MAGI1: variants seen among roughly 807,000 people sequenced by gnomAD.
The protein encoded by MAGI1 is membrane-associated guanylate kinase, WW and PDZ domain-containing protein 1.
Under a neutral mutation model 139.9 loss-of-function variants are expected in MAGI1, and 58 were observed. That is an observed-to-expected ratio of 0.41 (90% confidence interval 0.34 to 0.52). The LOEUF is 0.52. Ranked by LOEUF, MAGI1 falls within the 20% of genes least tolerant of loss-of-function variation. MAGI1 has a pLI of 0.12. For missense variants in MAGI1, 1,874 were observed against 1,901.6 expected, an observed-to-expected ratio of 0.99 and a Z score of 0.27; for synonymous variants, 812 against 737.9, an observed-to-expected ratio of 1.10 and a Z score of -1.63.
Position 65,453,267 on chromosome 3 carries a change from C to G in MAGI1, c.1033G>C (p.Glu345Gln), listed in dbSNP as rs1358484495. The change falls in exon 6 of 23, where the codon GAA becomes CAA. Residue 345 changes from glutamate to glutamine, a missense_variant. Around this residue, in one of 5 missense-constraint regions of MAGI1, gnomAD observed 648 missense variants for 598.1 expected, o/e 1.08. Transcript: ENST00000402939. ...NKQQKPLEEC[E>Q]DDEGVHTEEL... ...CTGCCTGGCCCCTTACCATCATCTT[C>G]ACACTCTTCCAGTGGCTTCTGCTGC... 2.5e-6 allele frequency: 4 copies of G among 1,613,580 alleles called. No homozygotes were observed. The African/African-American group carries it at 5.3e-5, about 22-fold the overall frequency.
At chr3:66,021,487 G>C (rs1378334840) in intron 1 of MAGI1, among the ~76,000 whole-genome samples, 1 of 152,176 alleles carries the variant, frequency 6.6e-6, no homozygotes. Context: ...TTCTATTCTT[G>C]ACTGCCTCCC....
chr3:65,439,780 C>T, intron 9 of MAGI1, 99 bp downstream of exon 9: 2 of 1,579,848 alleles, frequency 1.3e-6, no homozygotes, highest in Admixed American at 1.7e-5. Flanking sequence ...AGAGAGGACT[C>T]AATCATCGAG....
intron 1 of MAGI1, among the ~76,000 whole-genome samples, chr3:65,795,819 G>A (rs1323198770): frequency 6.6e-6 from 1 of 151,802 alleles, no homozygotes; most frequent in Non-Finnish European, 1.5e-5. Context: ...GGGAAGCCTA[G>A]GCAGGTGGAT....
intron 1 of MAGI1, among the ~76,000 whole-genome samples, chr3:65,903,873 T>C (rs1471607460): frequency 6.6e-6 from 1 of 151,914 alleles, no homozygotes; most frequent in African/African-American, 2.4e-5. Context: ...CCAGGTGTGG[T>C]GGTGCACACC....
At chr3:65,918,529 C>A (rs1453975071) in intron 1 of MAGI1, among the ~76,000 whole-genome samples, 1 of 151,882 alleles carries the variant, frequency 6.6e-6, no homozygotes, top group African/African-American at 2.4e-5. Flanking sequence ...TACAGGTGTG[C>A]ACCACCACGC....
chr3:65,850,387 T>C (rs1419578303), intron 1 of MAGI1, among the ~76,000 whole-genome samples: 1 of 152,132 alleles, frequency 6.6e-6, no homozygotes, highest in African/African-American at 2.4e-5. Context: ...AAACTGAAAG[T>C]CTTGCATCCC....
intron 1 of MAGI1, among the ~76,000 whole-genome samples, chr3:65,884,375 C>T (rs1248815678): frequency 6.6e-6 from 1 of 152,046 alleles, no homozygotes; most frequent in Non-Finnish European, 1.5e-5. Context: ...GGTGGAAGAA[C>T]GAAGGGAGAA....
At chr3:65,963,294 A>G (rs13319733) in intron 1 of MAGI1, among the ~76,000 whole-genome samples, 74,146 of 139,850 alleles carry the variant, frequency 0.53, 20,757 homozygotes, top group African/African-American at 0.69. Flanking sequence ...CCTGGTCAAC[A>G]GAGCGAGACT....
At chr3:65,964,876 T>C (rs2064659143) in intron 1 of MAGI1, among the ~76,000 whole-genome samples, 1 of 152,212 alleles carries the variant, frequency 6.6e-6, no homozygotes. Flanking sequence ...AGTCCCCTTT[T>C]TGTGGATGTC....
chr3:65,875,282 A>G (rs1047573350), intron 1 of MAGI1, among the ~76,000 whole-genome samples: 1 of 152,150 alleles, frequency 6.6e-6, no homozygotes, highest in African/African-American at 2.4e-5. Flanking sequence ...TGTTGTTGAG[A>G]TGATGAAAAT....
chr3:65,499,661 C>G (rs549592186), intron 2 of MAGI1, among the ~76,000 whole-genome samples: 2 of 152,212 alleles, frequency 1.3e-5, no homozygotes, highest in South Asian at 4.1e-4. Context: ...ATGCAGTTAC[C>G]TGAAGGAATG....
intron 1 of MAGI1, among the ~76,000 whole-genome samples, chr3:65,782,237 G>A (rs917832401): frequency 6.6e-6 from 1 of 152,116 alleles, no homozygotes; most frequent in Non-Finnish European, 1.5e-5. Flanking sequence ...GATTATCTGG[G>A]TGGGCCCAAT....
rs775925540 is a variant in MAGI1 at position 65,375,748 on chromosome 3, C to A, written c.3193G>T (p.Asp1065Tyr). ...NTVTLRIIPG[D>Y]ESSNATLLTN... ...AGAGATAATAGGTATACTTTACCAT[C>A]CCCAGGAATGATGCGGAGGGTAACT... The change falls in exon 18 of 23, where the codon GAT becomes TAT. Residue 1065 changes from aspartate (D) to tyrosine (Y), a missense_variant. Physicochemically the swap from Asp to Tyr is radical, Grantham distance 160. Transcript: ENST00000402939. 1 of 1,609,610 alleles carries A rather than the reference C, an allele frequency of 6.2e-7. No individual in the cohort carries two copies. The highest frequency in any genetic ancestry group is 1.1e-5 in the South Asian group (1 of 90,956).
At chr3:65,988,764 A>AT (rs1319577147) in intron 1 of MAGI1, among the ~76,000 whole-genome samples, 47 of 152,310 alleles carry the variant, frequency 3.1e-4, no homozygotes, top group Admixed American at 2.9e-3. Context: ...GAAAGAACTC[A>AT]TTTTTAAGAA....
At chr3:65,974,387 CTGGGTGGA>C (rs1472748395) in intron 1 of MAGI1, among the ~76,000 whole-genome samples, 14 of 134,214 alleles carry the variant, frequency 1.0e-4, no homozygotes, top group East Asian at 6.9e-4. Flanking sequence ...GGGCGGGTGG[CTGGGTGGA>C]TGGGTGGATG....
intron 2 of MAGI1, among the ~76,000 whole-genome samples, chr3:65,599,779 G>A (rs940831590): frequency 2.6e-5 from 4 of 152,158 alleles, no homozygotes; most frequent in Non-Finnish European, 4.4e-5. Flanking sequence ...ACAGCTCCCA[G>A]GGCTTCAATT....
chr3:65,526,600 T>C (rs1576188026), intron 2 of MAGI1, among the ~76,000 whole-genome samples: 1 of 152,222 alleles, frequency 6.6e-6, no homozygotes, highest in African/African-American at 2.4e-5. Flanking sequence ...ACATTGGACA[T>C]ACCTGCAATT....
At position 65,439,950 on chromosome 3, in the gene MAGI1, A is replaced by C. The variant is rs1948150968; in HGVS notation, c.1199T>G (p.Leu400Arg). 6.2e-7 allele frequency: 1 copy of C among 1,613,506 alleles called. No individual in the cohort carries two copies. The highest frequency in any genetic ancestry group is 2.2e-5 in the East Asian group (1 of 44,860). ...PVLEAKRKKQ[L>R]EQQQQQQQQQ... Reference sequence around the variant, plus strand: ...CTGTTGCTGCTGCTGCTGCTGCTCAAGCTGCTTCTTCCGTTTGGCTTCTAG... The same window carrying C: ...CTGTTGCTGCTGCTGCTGCTGCTCACGCTGCTTCTTCCGTTTGGCTTCTAG... Residue 400 changes from leucine to arginine, a missense_variant, in exon 9 of 23, where the codon CTT becomes CGT. This residue lies in a region of MAGI1 where 648 missense variants were observed against 598.1 expected (regional missense o/e 1.08). Transcript: ENST00000402939.
At chr3:65,808,947 G>A (rs778569241) in intron 1 of MAGI1, among the ~76,000 whole-genome samples, 1 of 152,182 alleles carries the variant, frequency 6.6e-6, no homozygotes, top group African/African-American at 2.4e-5. Context: ...ATCTAAAAGG[G>A]AAAGGAAATA....
Sources: allele counts gnomAD v4.1 joint callset (sites outside exome capture counted in the v4.1 genomes callset), GRCh38; gene constraint gnomAD v4.1.1; regional missense constraint gnomAD v4.1.1; transcripts MANE v1.5; gene names NCBI Gene and HGNC (gene_info 2026-07-23, HGNC 2026-07-21).